FAM83C: variants seen among roughly 807,000 people sequenced by gnomAD.
FAM83C encodes the protein scaffolding CK1 anchoring protein C.
Under a neutral mutation model 27.1 loss-of-function variants are expected in FAM83C, and 23 were observed. The ratio of observed to expected loss-of-function variants is 0.85; its 90% CI spans 0.61 to 1.20. The LOEUF (loss-of-function observed/expected upper bound fraction) is 1.20, where lower values mean the gene tolerates loss of function less well. Ranked by LOEUF, FAM83C falls within the 50% of genes most tolerant of loss-of-function variation. The pLI, the probability that FAM83C is intolerant of heterozygous loss-of-function variation, is 0.00. For missense variants in FAM83C, 984 were observed against 1,001.3 expected (o/e 0.98, Z 0.23); for synonymous variants, 426 against 423.1 (o/e 1.01, Z -0.09).
At position 35,292,126 on chromosome 20, in the gene FAM83C, T is replaced by C; in HGVS notation, c.179A>G (p.Tyr60Cys). 1 of 1,602,532 alleles carries C rather than the reference T, an allele frequency of 6.2e-7. No homozygotes were observed. Among genetic ancestry groups the C allele is most frequent in the Non-Finnish European group, 8.5e-7 (1 of 1,179,794 alleles). Residue 60 changes from tyrosine (Y) to cysteine (C), a missense_variant, in exon 1 of 4, where the codon TAC (tyrosine) becomes TGC (cysteine). Transcript: ENST00000374408. ...CCGCTCCTCGGAGATGACCCGCAGG[T>C]AGGCAGCCTCACCCCGCTCCAGGAG... ...DALLERGEAA[Y>C]LRVISEEREL... is the part of the protein sequence containing the mutation.
chr20:35,289,506 A>G (rs2060840299), intron 1 of FAM83C, among the ~76,000 whole-genome samples: 1 of 151,990 alleles, frequency 6.6e-6, no homozygotes, highest in South Asian at 2.1e-4. Flanking sequence ...ATGCCCAGCT[A>G]ATCTGTATTT....
Position 35,286,126 on chromosome 20 carries a change from CTCTAAGA to C in FAM83C, c.*402_*408del, listed in dbSNP as rs1196247029. ...CTGGCTCAAAGGCCACCTCCATCTC[CTCTAAGA>C]AAGTTTTCTGACTACTCCACCTTCT... On this transcript the variant is annotated 3_prime_UTR_variant, in exon 4 of 4. Transcript: ENST00000374408. The C allele has an allele frequency of 5.7e-6, 1 of 175,878 alleles. No individual in the cohort carries two copies. Among genetic ancestry groups the C allele is most frequent in the East Asian group, 1.7e-4 (1 of 5,922 alleles). The allele number at this position is 175,878 out of a possible 1,614,324, so 10.9% of individuals were successfully genotyped here. A position where few individuals can be genotyped will look rare whatever the true frequency, so the allele number is the denominator to read the frequency against.
Position 35,287,164 on chromosome 20 carries a change from G to A in FAM83C, c.1615C>T (p.Gln539Ter), listed in dbSNP as rs1426522284. The A allele has an allele frequency of 8.1e-6, 13 of 1,606,410 alleles. No individual in the cohort carries two copies. Among genetic ancestry groups the A allele is most frequent in the Non-Finnish European group, 1.0e-5 (12 of 1,179,276 alleles). The change falls in exon 4 of 4, where the codon CAG becomes TAG. Residue 539 changes from glutamine to a stop codon, truncating the protein, a stop_gained. Coordinates refer to ENST00000374408, the MANE Select transcript of FAM83C (RefSeq NM_178468.6). LOFTEE classifies it low-confidence loss of function (END_TRUNC). ...GACAACCTCCTGTCCTCTGGGGCCTGCTCGCCAGGCCGAAGGGGGCCTGAG... is the reference window on the plus strand; with the variant it reads ...GACAACCTCCTGTCCTCTGGGGCCTACTCGCCAGGCCGAAGGGGGCCTGAG... The part of the protein sequence containing the change: ...PNSGPLRPGE[Q>*]APEDRRLSPS...
chr20:35,287,472 G>A lies in FAM83C; in HGVS notation c.1307C>T (p.Pro436Leu). The A allele has an allele frequency of 6.2e-7, 1 of 1,614,192 alleles. No individual in the cohort carries two copies. The highest frequency in any genetic ancestry group is 8.5e-7 in the Non-Finnish European group (1 of 1,180,026). Residue 436 changes from proline (P) to leucine (L), a missense_variant, in exon 4 of 4, where the codon CCC (proline) becomes CTC (leucine). Pro to Leu is a moderately conservative substitution (Grantham distance 98). Coordinates refer to ENST00000374408, the MANE Select transcript of FAM83C (RefSeq NM_178468.6). ...AGGTGACCCCACTGCCAAGGTTAAG[G>A]GGCTGGTACTATTATGGTTGAGGGC... ...SPALNHNSTSPLTLAVGSPLL... is the reference protein window; with the variant it reads ...SPALNHNSTSLLTLAVGSPLL...
Position 35,292,057 on chromosome 20 carries a change from C to A in FAM83C, c.248G>T (p.Ser83Ile). The A allele has an allele frequency of 6.2e-7, 1 of 1,612,072 alleles. No homozygotes were observed. Among genetic ancestry groups the A allele is most frequent in the Non-Finnish European group, 8.5e-7 (1 of 1,179,994 alleles). ...GAGCTCAGGGCCCCCGCGCACATGG[C>A]TGGTCATGTAGTCCACATCCAGGGC... ...LSALDVDYMT[S>I]HVRGGPELSE... Residue 83 changes from serine to isoleucine, a missense_variant, in exon 1 of 4, where the codon AGC becomes ATC. Coordinates refer to ENST00000374408, the MANE Select transcript of FAM83C (RefSeq NM_178468.6).
chr20:35,292,166 G>C lies in FAM83C; in HGVS notation c.139C>G (p.Leu47Val). ...LVLRHSEAARLAADALLERGE... is the reference protein window; with the variant it reads ...LVLRHSEAARVAADALLERGE... ...CGCTCCAGGAGGGCGTCGGCCGCCA[G>C]CCGAGCCGCCTCGCTGTGCCGCAGC... Residue 47 changes from leucine to valine, a missense_variant, in exon 1 of 4, where the codon CTG becomes GTG. Transcript: ENST00000374408. 3.1e-6 allele frequency: 5 copies of C among 1,597,458 alleles called. No homozygotes were observed. Among genetic ancestry groups the C allele is most frequent in the Non-Finnish European group, 4.2e-6 (5 of 1,179,152 alleles).
chr20:35,287,990 G>C lies in FAM83C; in HGVS notation c.807-18C>G, dbSNP rs1307982773. On this transcript the variant is annotated intron_variant, in intron 3 of 3. Transcript: ENST00000374408. ...AGGTGAAGCTGGGGGCAGAGGGACA[G>C]GGGGGTCAGGAGGCAAAGTGCAGGA... 6.4e-7 allele frequency: 1 copy of C among 1,555,664 alleles called. No homozygotes were observed. Among genetic ancestry groups the C allele is most frequent in the Non-Finnish European group, 8.7e-7 (1 of 1,148,258 alleles).
rs762907822 is a variant in FAM83C, at chr20:35,291,876, G to A, written c.429C>T (p.Pro143=). The change falls in exon 1 of 4, where the codon CCC becomes CCT. Residue 143 remains proline, a synonymous_variant. Transcript: ENST00000374408. ...TCTGGAAGTGGACCACAGCCTGGGT[G>A]GGGCTGAAGCCTGTGGCCTGTGGCA... is the stretch of plus-strand genomic sequence containing the variant. ...PEVPQATGFS[P]TQAVVHFQRD... The A allele has an allele frequency of 1.9e-6, 3 of 1,614,142 alleles. No homozygotes were observed. Among genetic ancestry groups the A allele is most frequent in the Non-Finnish European group, 2.5e-6 (3 of 1,179,998 alleles).
At chr20:35,289,216 G>T (rs1264239840) in intron 1 of FAM83C, among the ~76,000 whole-genome samples, 2 of 152,188 alleles carry the variant, frequency 1.3e-5, no homozygotes, top group African/African-American at 4.8e-5. Context: ...TGCCCAGGCT[G>T]CAGTGCAGTG....
Position 35,287,024 on chromosome 20 carries a change from C to T in FAM83C, c.1755G>A (p.Leu585=). The T allele has an allele frequency of 6.2e-7, 1 of 1,606,946 alleles. No homozygotes were observed. Among genetic ancestry groups the T allele is most frequent in the Non-Finnish European group, 8.5e-7 (1 of 1,179,980 alleles). The change falls in exon 4 of 4, where the codon CTG becomes CTA. Residue 585 remains leucine (L), a synonymous_variant. Transcript: ENST00000374408. ...PGDRALEDRR[L]SLNQSRGQSD... is the part of the protein sequence containing the mutation. ...ATTGGCCACGGCTTTGGTTTAGGGA[C>T]AGCCTCCTGTCCTCCAGGGCCCGAT... is the stretch of plus-strand genomic sequence containing the variant.
rs760075775 is a variant in FAM83C at position 35,287,378 on chromosome 20, C to T, written c.1401G>A (p.Glu467=). 9 of 1,613,818 alleles carry T rather than the reference C, an allele frequency of 5.6e-6. No individual in the cohort carries two copies. The highest frequency in any genetic ancestry group is 5.5e-5 in the South Asian group (5 of 91,088). The change falls in exon 4 of 4, where the codon GAG becomes GAA. Residue 467 remains glutamate, a synonymous_variant. Coordinates refer to ENST00000374408, the MANE Select transcript of FAM83C (RefSeq NM_178468.6). ...GCTCTTGGCTTCCTGGGAGCCCATT[C>T]TCTGGGAACCGGGACAGAGCTGGGG... ...RGAPALSRFP[E]NGLPGSQEPS...
At position 35,286,853 on chromosome 20, in the gene FAM83C, G is replaced by A. The variant is rs773551618; in HGVS notation, c.1926C>T (p.Gly642=). 5 of 1,614,092 alleles carry A rather than the reference G, an allele frequency of 3.1e-6. No homozygotes were observed. The highest frequency in any genetic ancestry group is 4.2e-6 in the Non-Finnish European group (5 of 1,179,992). Residue 642 remains glycine, a synonymous_variant, in exon 4 of 4, where the codon GGC becomes GGT. Transcript: ENST00000374408. ...HSQLDLITKF[G]PFRGEGPGPN... ...GCCCAGGCCCCTCACCACGGAATGG[G>A]CCGAACTTTGTGATGAGGTCCAGCT...
At chr20:35,291,168 C>G (rs1432999554) in intron 1 of FAM83C, among the ~76,000 whole-genome samples, 1 of 152,226 alleles carries the variant, frequency 6.6e-6, no homozygotes, top group Non-Finnish European at 1.5e-5. Context: ...CCAAAGAGGC[C>G]CACACGCTGG....
Position 35,292,103 on chromosome 20 carries a change from GCTC to G in FAM83C, c.199_201del (p.Glu67del), listed in dbSNP as rs1181332884. On this transcript the variant is annotated inframe_deletion, in exon 1 of 4. Coordinates refer to ENST00000374408, the MANE Select transcript of FAM83C (RefSeq NM_178468.6). ...AGGGCGCTCAGGAAGGGCAGCTCCC[GCTC>G]CTCGGAGATGACCCGCAGGTAGGCA... is the stretch of plus-strand genomic sequence containing the variant. 6.2e-7 allele frequency: 1 copy of G among 1,605,598 alleles called. No homozygotes were observed. Among genetic ancestry groups the G allele is most frequent in the African/African-American group, 1.3e-5 (1 of 74,928 alleles).
At position 35,286,315 on chromosome 20, in the gene FAM83C, G is replaced by A; in HGVS notation, c.*220C>T. On this transcript the variant is annotated 3_prime_UTR_variant, in exon 4 of 4. Coordinates refer to ENST00000374408, the MANE Select transcript of FAM83C (RefSeq NM_178468.6). The stretch of plus-strand genomic sequence containing the variant: ...GTCAGCTCTACAGGCCCAGCACAGG[G>A]CTGGAAACACAGCCTAGATTCAAGA... 1 of 553,826 alleles carries A rather than the reference G, an allele frequency of 1.8e-6. No individual in the cohort carries two copies. The highest frequency in any genetic ancestry group is 3.2e-6 in the Non-Finnish European group (1 of 314,888). The allele number at this position is 553,826 out of a possible 1,614,324, so 34.3% of individuals were successfully genotyped here.
chr20:35,288,718 C>T, intron 2 of FAM83C, 73 bp downstream of exon 2: 1 of 1,504,236 alleles, frequency 6.6e-7, no homozygotes, highest in Non-Finnish European at 9.0e-7. Context: ...TGCTGACTGG[C>T]CACCCACTGG....
chr20:35,291,886 C>G lies in FAM83C; in HGVS notation c.419G>C (p.Gly140Ala). 6.2e-7 allele frequency: 1 copy of G among 1,613,716 alleles called. No homozygotes were observed. Among genetic ancestry groups the G allele is most frequent in the Non-Finnish European group, 8.5e-7 (1 of 1,179,640 alleles). Residue 140 changes from glycine to alanine, a missense_variant, in exon 1 of 4, where the codon GGC (glycine) becomes GCC (alanine). Physicochemically the swap from Gly to Ala is moderately conservative, Grantham distance 60. Coordinates refer to ENST00000374408, the MANE Select transcript of FAM83C (RefSeq NM_178468.6). ...LGWPEVPQAT[G>A]FSPTQAVVHF... ...GACCACAGCCTGGGTGGGGCTGAAGCCTGTGGCCTGTGGCACCTCGGGCCA... is the reference window on the plus strand; with the variant it reads ...GACCACAGCCTGGGTGGGGCTGAAGGCTGTGGCCTGTGGCACCTCGGGCCA...
chr20:35,291,108 C>T (rs2060845602), intron 1 of FAM83C, among the ~76,000 whole-genome samples: 1 of 152,240 alleles, frequency 6.6e-6, no homozygotes, highest in Non-Finnish European at 1.5e-5. Context: ...GCCCAGCAGC[C>T]TCCTCTCCTC....
At chr20:35,291,366 G>T (rs555539990) in intron 1 of FAM83C, among the ~76,000 whole-genome samples, 9 of 152,220 alleles carry the variant, frequency 5.9e-5, no homozygotes, top group Non-Finnish European at 8.8e-5. Flanking sequence ...CCCCTCTCTG[G>T]CCTCAGTTTC....
Sources: gnomAD v4.1 joint callset for allele counts (sites outside exome capture counted in the v4.1 genomes callset) on GRCh38, gnomAD v4.1.1 for gene constraint, MANE v1.5 for transcripts, NCBI Gene and HGNC (gene_info 2026-07-23, HGNC 2026-07-21) for gene names.